Variants in LIPI observed in about 807,000 individuals in gnomAD.
LIPI encodes lipase I.
Under a neutral mutation model 50.6 loss-of-function variants are expected in LIPI, and 59 were observed. The ratio of observed to expected loss-of-function variants is 1.16; its 90% CI spans 0.94 to 1.45. The LOEUF is 1.45. Ranked by LOEUF, LIPI falls within the 40% of genes most tolerant of loss-of-function variation. The pLI is 0.00. For missense variants in LIPI, 586 were observed against 536.3 expected, an observed-to-expected ratio of 1.09 and a Z score of -0.92; for synonymous variants, 203 against 178.2, an observed-to-expected ratio of 1.14 and a Z score of -1.11.
intron 4 of LIPI, among the ~76,000 whole-genome samples, chr21:14,181,196 A>G (rs2123240679): frequency 6.6e-6 from 1 of 152,328 alleles, no homozygotes; most frequent in East Asian, 1.9e-4. Context: ...CAGGAAAGGC[A>G]CGAGGACAGT....
At chr21:14,205,739 T>C (rs1238578711) in intron 1 of LIPI, among the ~76,000 whole-genome samples, 3 of 152,100 alleles carry the variant, frequency 2.0e-5, no homozygotes, top group Non-Finnish European at 4.4e-5. Context: ...AAAATAGATT[T>C]AATAGACTTC....
At chr21:14,148,190 A>T (rs979707459) in intron 8 of LIPI, among the ~76,000 whole-genome samples, 2 of 152,204 alleles carry the variant, frequency 1.3e-5, no homozygotes, top group African/African-American at 2.4e-5. Context: ...GGGCATGTAC[A>T]AGAAGGAGGA....
At chr21:14,151,504 C>G (rs2018089351) in intron 8 of LIPI, among the ~76,000 whole-genome samples, 1 of 152,138 alleles carries the variant, frequency 6.6e-6, no homozygotes, top group African/African-American at 2.4e-5. Context: ...AAACTTAAGC[C>G]AAATTGCTCT....
At chr21:14,128,581 G>T (rs139978426) in intron 9 of LIPI, among the ~76,000 whole-genome samples, 119 of 152,076 alleles carry the variant, frequency 7.8e-4, no homozygotes, top group African/African-American at 2.8e-3. Context: ...CATCTAGAAA[G>T]CAGTTCACTA....
chr21:14,111,943 A>C (rs370243030), intron 9 of LIPI, among the ~76,000 whole-genome samples: 3 of 152,134 alleles, frequency 2.0e-5, no homozygotes, highest in East Asian at 3.9e-4. Flanking sequence ...CTGTGTACCC[A>C]ATCACCCGAA....
chr21:14,186,823 T>G (rs79634132), intron 2 of LIPI, among the ~76,000 whole-genome samples: 1,862 of 152,296 alleles, frequency 0.012, 33 homozygotes, highest in African/African-American at 0.042. Context: ...AAAGGCATAA[T>G]CTATGAACCA....
chr21:14,172,460 C>G (rs966464358), intron 4 of LIPI, among the ~76,000 whole-genome samples: 2 of 151,924 alleles, frequency 1.3e-5, no homozygotes, highest in East Asian at 1.9e-4. Context: ...AGACTTGGAA[C>G]CAACCCAAAT....
At chr21:14,159,180 C>G (rs560794369) in intron 7 of LIPI, among the ~76,000 whole-genome samples, 2 of 151,198 alleles carry the variant, frequency 1.3e-5, no homozygotes, top group African/African-American at 4.8e-5. Flanking sequence ...TACTGTTATG[C>G]CAAAACCAGA....
chr21:14,181,750 T>C lies in LIPI; in HGVS notation c.643+8A>G, dbSNP rs778687780. 3 of 1,537,076 alleles carry C rather than the reference T, an allele frequency of 2.0e-6. No individual in the cohort carries two copies. The highest frequency in any genetic ancestry group is 4.5e-5 in the East Asian group (2 of 44,466). On this transcript the variant is annotated splice_region_variant and intron_variant, in intron 4 of 9. Transcript: ENST00000681601. ...CAAATAATTAGGTAATAAATCCTGATTTGTTACCATTGGAGTCAGAATGGA... is the reference window on the plus strand; with the variant it reads ...CAAATAATTAGGTAATAAATCCTGACTTGTTACCATTGGAGTCAGAATGGA...
At chr21:14,175,827 T>A (rs1295184939) in intron 4 of LIPI, among the ~76,000 whole-genome samples, 2 of 152,184 alleles carry the variant, frequency 1.3e-5, no homozygotes, top group African/African-American at 4.8e-5. Context: ...CAAGAATTTA[T>A]TTTTAGAAGA....
At chr21:14,157,498 C>T (rs187721671) in intron 7 of LIPI, among the ~76,000 whole-genome samples, 555 of 151,918 alleles carry the variant, frequency 3.7e-3, no homozygotes, top group Middle Eastern at 0.01. Flanking sequence ...GTGACATATA[C>T]GGAGATCCAC....
intron 8 of LIPI, among the ~76,000 whole-genome samples, chr21:14,151,310 T>C (rs577321399): frequency 2.0e-4 from 30 of 152,318 alleles, no homozygotes; most frequent in African/African-American, 6.7e-4. Context: ...AAATAAGTAG[T>C]CAGGGACTTT....
intron 9 of LIPI, among the ~76,000 whole-genome samples, chr21:14,136,706 A>G (rs2017512100): frequency 6.6e-6 from 1 of 152,108 alleles, no homozygotes; most frequent in East Asian, 1.9e-4. Context: ...GTAGAACACC[A>G]GGGCCTTGAG....
chr21:14,207,079 C>G, intron 1 of LIPI: 1 of 616,742 alleles, frequency 1.6e-6, no homozygotes, highest in South Asian at 1.7e-5. Flanking sequence ...CCAGTTAAGA[C>G]ACAACACTGT....
rs557498930 is a variant in LIPI, at chr21:14,197,147, AT to A, written c.47-7729del. On this transcript the variant is annotated intron_variant, in intron 1 of 9. Coordinates refer to ENST00000681601, the MANE Select transcript of LIPI (RefSeq NM_001302998.2). ...AAATACAGAGCATAAGAACAAAAAA[AT>A]AATTTATACTATTTTAAATATAAGT... is the stretch of plus-strand genomic sequence containing the variant. 5.5e-4 allele frequency among the ~76,000 whole-genome samples: 83 copies of A among 151,800 alleles called. No individual in the cohort carries two copies. In the South Asian group the frequency reaches 5.6e-3, roughly 10 times the overall value.
At chr21:14,180,852 A>G (rs988484192) in intron 4 of LIPI, among the ~76,000 whole-genome samples, 9 of 152,196 alleles carry the variant, frequency 5.9e-5, no homozygotes, top group Admixed American at 6.5e-5. Context: ...AAACCCAAGT[A>G]TAGATCACCA....
At chr21:14,199,690 T>C (rs989183835) in intron 1 of LIPI, among the ~76,000 whole-genome samples, 2 of 151,272 alleles carry the variant, frequency 1.3e-5, no homozygotes, top group African/African-American at 4.9e-5. Flanking sequence ...GCTGGTACCA[T>C]TCCTACTGAA....
chr21:14,111,772 G>A (rs765521011), intron 9 of LIPI, among the ~76,000 whole-genome samples: 2 of 152,006 alleles, frequency 1.3e-5, no homozygotes, highest in Non-Finnish European at 2.9e-5. Context: ...TTTTGTATAA[G>A]GTGTGACATA....
chr21:14,128,294 T>C (rs2017147093), intron 9 of LIPI, among the ~76,000 whole-genome samples: 1 of 152,112 alleles, frequency 6.6e-6, no homozygotes, highest in South Asian at 2.1e-4. Context: ...AATAATTGAC[T>C]ATATTTCTTA....
Sources: gnomAD v4.1 joint callset for allele counts (sites outside exome capture counted in the v4.1 genomes callset) on GRCh38, gnomAD v4.1.1 for gene constraint, MANE v1.5 for transcripts, NCBI Gene and HGNC (gene_info 2026-07-23, HGNC 2026-07-21) for gene names.